RAB28: variants seen among roughly 807,000 people sequenced by gnomAD.
RAB28 encodes RAB28, member RAS oncogene family.
In RAB28, 24 loss-of-function variants were observed where a neutral mutation model predicts 31.7. The ratio of observed to expected loss-of-function variants is 0.76; its 90% CI spans 0.55 to 1.06. The LOEUF is 1.06. Ranked by LOEUF, RAB28 falls within the 50% of genes least tolerant of loss-of-function variation. The probability of loss-of-function intolerance (pLI) is 0.00; values close to 1 mark genes in which losing one functional copy is unlikely to be tolerated. For synonymous variants in RAB28, 100 were observed against 90.4 expected, an observed-to-expected ratio of 1.11 and a Z score of -0.60; for missense variants, 254 against 258.5, an observed-to-expected ratio of 0.98 and a Z score of 0.12.
At chr4:13,423,577 T>C (rs1159489327) in intron 4 of RAB28, among the ~76,000 whole-genome samples, 9 of 152,130 alleles carry the variant, frequency 5.9e-5, no homozygotes, top group Admixed American at 5.9e-4. Context: ...TAAAGTTTTG[T>C]TGGAACACAG....
At chr4:13,406,806 G>A (rs971390975) in intron 4 of RAB28, among the ~76,000 whole-genome samples, 5 of 152,208 alleles carry the variant, frequency 3.3e-5, no homozygotes, top group Admixed American at 1.3e-4. Flanking sequence ...CTTCTTTTGA[G>A]AAGTGTCTGT....
rs532982122 is a variant in RAB28, at chr4:13,370,366, T to C, written c.574-1716A>G. 70 of 932,112 alleles carry C rather than the reference T, an allele frequency of 7.5e-5. No individual in the cohort carries two copies. The African/African-American group carries it at 1.2e-3, about 15-fold the overall frequency. 57.7% of individuals were successfully genotyped at this position (932,112 alleles called of 1,614,324 possible). A position where few individuals can be genotyped will look rare whatever the true frequency, so the allele number is the denominator to read the frequency against. On this transcript the variant is annotated intron_variant, in intron 6 of 6. Transcript: ENST00000330852. ...GTTAAAGTGCAATAAAAGGATTAAT[T>C]CCATTTCCATTAACAAGCTTTACTG...
intron 4 of RAB28, among the ~76,000 whole-genome samples, chr4:13,424,702 C>T (rs1292386609): frequency 6.6e-6 from 1 of 152,168 alleles, no homozygotes; most frequent in Middle Eastern, 3.2e-3. Flanking sequence ...ATACAGGCAA[C>T]TGCCTATACT....
intron 4 of RAB28, among the ~76,000 whole-genome samples, chr4:13,437,108 C>T (rs562299456): frequency 2.1e-4 from 32 of 151,996 alleles, no homozygotes; most frequent in African/African-American, 7.5e-4. Flanking sequence ...TAAACAATGG[C>T]GAAAGGATAT....
At chr4:13,372,502 T>C (rs1728755941) in intron 6 of RAB28, among the ~76,000 whole-genome samples, 1 of 152,088 alleles carries the variant, frequency 6.6e-6, no homozygotes, top group Admixed American at 6.6e-5. Flanking sequence ...GTTTTGAAAT[T>C]TTATTTAAAA....
intron 4 of RAB28, among the ~76,000 whole-genome samples, chr4:13,422,840 T>A (rs553195377): frequency 1.9e-4 from 29 of 151,606 alleles, no homozygotes; most frequent in African/African-American, 6.3e-4. Flanking sequence ...ATGGCACATG[T>A]ACACCTATAA....
chr4:13,379,629 G>C (rs1729052915), intron 5 of RAB28, among the ~76,000 whole-genome samples: 1 of 152,116 alleles, frequency 6.6e-6, no homozygotes, highest in South Asian at 2.1e-4. Context: ...GACACTCAAA[G>C]GTGTGAAATA....
Position 13,484,205 on chromosome 4 carries a change from A to C in RAB28, c.-55T>G, listed in dbSNP as rs1023146558. On this transcript the variant is annotated 5_prime_UTR_variant, in exon 1 of 7. Coordinates refer to ENST00000330852, the MANE Select transcript of RAB28 (RefSeq NM_001017979.3). ...AGGTGGGGGGGGAAGGGAAGGATGA[A>C]GGCTCCGGGGGCGGGGGAGAGGAGG... 4.7e-4 allele frequency: 666 copies of C among 1,402,190 alleles called. No homozygotes were observed. Among genetic ancestry groups the C allele is most frequent in the Non-Finnish European group, 6.4e-4 (649 of 1,012,124 alleles). 86.9% of individuals were successfully genotyped at this position (1,402,190 alleles called of 1,614,324 possible). A position where few individuals can be genotyped will look rare whatever the true frequency, so the allele number is the denominator to read the frequency against.
At chr4:13,428,982 T>C (rs1713663218) in intron 4 of RAB28, among the ~76,000 whole-genome samples, 1 of 151,128 alleles carries the variant, frequency 6.6e-6, no homozygotes, top group Non-Finnish European at 1.5e-5. Context: ...TCTTGCTCTG[T>C]TGCCCAGGCT....
In RAB28 at chr4:13,404,137, G is replaced by A. The variant is rs542637105; in HGVS notation, c.392-22543C>T. The stretch of plus-strand genomic sequence containing the variant: ...CTCATGCCTCTAATCCCAGCACTGT[G>A]GGAGGCCAAGGCGGGAGGATCACCT... On this transcript the variant is annotated intron_variant, in intron 4 of 6. Coordinates refer to ENST00000330852, the MANE Select transcript of RAB28 (RefSeq NM_001017979.3). Among the ~76,000 whole-genome samples the A allele has an allele frequency of 2.4e-4, 37 of 152,302 alleles. No individual in the cohort carries two copies. The South Asian group carries it at 6.4e-3, about 26-fold the overall frequency.
intron 4 of RAB28, among the ~76,000 whole-genome samples, chr4:13,440,234 A>G (rs1461178294): frequency 6.6e-6 from 1 of 152,176 alleles, no homozygotes; most frequent in Non-Finnish European, 1.5e-5. Flanking sequence ...TTTATTAAGC[A>G]TGATACAAGT....
rs2108872075 is a variant in RAB28 at position 13,369,876 on chromosome 4, C to T, written c.574-1226G>A. 3 of 1,610,304 alleles carry T rather than the reference C, an allele frequency of 1.9e-6. No homozygotes were observed. Among genetic ancestry groups the T allele is most frequent in the South Asian group, 2.2e-5 (2 of 90,404 alleles). ...AATAATTTATCACTTAATACCTGCA[C>T]TACTGTACTGAACAGATTCTACTCT... On this transcript the variant is annotated intron_variant, in intron 6 of 6. Transcript: ENST00000330852.
chr4:13,468,774 C>A (rs1366045032), intron 3 of RAB28, among the ~76,000 whole-genome samples: 8 of 149,282 alleles, frequency 5.4e-5, no homozygotes, highest in Admixed American at 2.7e-4. Flanking sequence ...AAGCCAAAAG[C>A]TGTTTTTTTT....
chr4:13,378,047 A>G lies in RAB28; in HGVS notation c.496-1425T>C, dbSNP rs76086463. Among the ~76,000 whole-genome samples the G allele has an allele frequency of 6.9e-3, 1,054 of 152,318 alleles. 8 individuals carry two copies. The highest frequency in any genetic ancestry group is 0.011 in the Admixed American group (170 of 15,296). ...ATTAGACATCTAAGAGGAGATGCTG[A>G]GCGGGCAGTTGGATATAAGAGTCTA... On this transcript the variant is annotated intron_variant, in intron 5 of 6. Coordinates refer to ENST00000330852, the MANE Select transcript of RAB28 (RefSeq NM_001017979.3).
At chr4:13,471,817 TAA>T (rs1340842949) in intron 3 of RAB28, among the ~76,000 whole-genome samples, 2 of 152,060 alleles carry the variant, frequency 1.3e-5, no homozygotes, top group African/African-American at 2.4e-5. Flanking sequence ...TAGCAATCAT[TAA>T]GTGTAAACGA....
At chr4:13,464,516 T>C (rs1255061169) in intron 3 of RAB28, among the ~76,000 whole-genome samples, 1 of 152,062 alleles carries the variant, frequency 6.6e-6, no homozygotes, top group South Asian at 2.1e-4. Flanking sequence ...CATAAGAATA[T>C]AGTATGCTTC....
intron 4 of RAB28, among the ~76,000 whole-genome samples, chr4:13,395,070 G>A (rs1289180809): frequency 6.6e-6 from 1 of 152,126 alleles, no homozygotes; most frequent in Non-Finnish European, 1.5e-5. Flanking sequence ...CCAGCTGGAG[G>A]TTCTCAATGA....
chr4:13,394,332 A>G (rs1729779338), intron 4 of RAB28, among the ~76,000 whole-genome samples: 2 of 152,186 alleles, frequency 1.3e-5, no homozygotes, highest in Admixed American at 1.3e-4. Context: ...TCAGGCATTA[A>G]TAATGATTTT....
At position 13,454,389 on chromosome 4, in the gene RAB28, C is replaced by T. The variant is rs151029954; in HGVS notation, c.391+6310G>A. On this transcript the variant is annotated intron_variant, in intron 4 of 6. Coordinates refer to ENST00000330852, the MANE Select transcript of RAB28 (RefSeq NM_001017979.3). ...TATTATTATATTCCTTTAAAGGTGTCGTTTCCTTGCTTTTTCATGTTTGAT... is the reference window on the plus strand; with the variant it reads ...TATTATTATATTCCTTTAAAGGTGTTGTTTCCTTGCTTTTTCATGTTTGAT... 7.0e-3 allele frequency among the ~76,000 whole-genome samples: 1,059 copies of T among 152,168 alleles called. 13 individuals are homozygous for T. Among genetic ancestry groups the T allele is most frequent in the African/African-American group, 0.024 (1,004 of 41,510 alleles).
Sources: gnomAD v4.1 joint callset for allele counts (sites outside exome capture counted in the v4.1 genomes callset) on GRCh38, gnomAD v4.1.1 for gene constraint, MANE v1.5 for transcripts, NCBI Gene and HGNC (gene_info 2026-07-23, HGNC 2026-07-21) for gene names.